The following GRID2 variants were observed in gnomAD, a reference collection of about 807,000 sequenced individuals.
The protein encoded by GRID2 is glutamate ionotropic receptor delta type subunit 2.
GRID2 carries 33 observed loss-of-function variants against 114.8 expected under a neutral mutation model. That is an observed-to-expected ratio of 0.29 (90% CI 0.22 to 0.38). GRID2 has a LOEUF of 0.38. GRID2 is among the 10% of genes least tolerant of loss of function. The pLI is 1.00. For missense variants in GRID2, 1,184 were observed against 1,257.7 expected, an observed-to-expected ratio of 0.94 and a Z score of 0.89; for synonymous variants, 505 against 449.9, an observed-to-expected ratio of 1.12 and a Z score of -1.55.
chr4:92,362,078 A>T (rs953667265), intron 1 of GRID2, among the ~76,000 whole-genome samples: 1 of 152,054 alleles, frequency 6.6e-6, no homozygotes, highest in Non-Finnish European at 1.5e-5. Context: ...ATTGAACAAC[A>T]TACTCAGACT....
chr4:92,548,998 GGATTA>G (rs1218877014), intron 1 of GRID2, among the ~76,000 whole-genome samples: 1 of 151,580 alleles, frequency 6.6e-6, no homozygotes, highest in Non-Finnish European at 1.5e-5. Flanking sequence ...CTAACATTGG[GGATTA>G]CAATTGAAAA....
chr4:92,665,644 A>T (rs1209573931), intron 2 of GRID2, among the ~76,000 whole-genome samples: 1 of 150,958 alleles, frequency 6.6e-6, no homozygotes, highest in African/African-American at 2.4e-5. Flanking sequence ...TGCTTATTTT[A>T]GAATTTTTTT....
At chr4:93,063,483 C>T (rs749029372) in intron 2 of GRID2, among the ~76,000 whole-genome samples, 15 of 151,768 alleles carry the variant, frequency 9.9e-5, no homozygotes, top group Non-Finnish European at 1.5e-4. Flanking sequence ...CATTTTCCTC[C>T]CACTTACACA....
intron 2 of GRID2, among the ~76,000 whole-genome samples, chr4:92,948,870 T>G (rs1407970010): frequency 6.6e-6 from 1 of 152,032 alleles, no homozygotes; most frequent in Admixed American, 6.6e-5. Flanking sequence ...TCTAGGTGTA[T>G]ATATATCATT....
At chr4:92,573,370 G>T (rs1450390747) in intron 1 of GRID2, among the ~76,000 whole-genome samples, 2 of 151,930 alleles carry the variant, frequency 1.3e-5, no homozygotes, top group African/African-American at 4.8e-5. Flanking sequence ...GGGTTTGTTT[G>T]CTCTTGGTTC....
intron 4 of GRID2, among the ~76,000 whole-genome samples, chr4:93,185,703 T>A (rs1357786896): frequency 2.0e-5 from 3 of 152,192 alleles, no homozygotes; most frequent in Admixed American, 6.5e-5. Flanking sequence ...TACAGGTTTT[T>A]TAAAAATAGT....
intron 8 of GRID2, among the ~76,000 whole-genome samples, chr4:93,299,887 T>A (rs1754689183): frequency 6.6e-6 from 1 of 152,156 alleles, no homozygotes; most frequent in Non-Finnish European, 1.5e-5. Flanking sequence ...TGCATACACA[T>A]AATATTAGAA....
intron 1 of GRID2, among the ~76,000 whole-genome samples, chr4:92,587,705 A>C (rs916027516): frequency 3.3e-5 from 5 of 152,056 alleles, no homozygotes; most frequent in Non-Finnish European, 4.4e-5. Context: ...TCTTTTATCC[A>C]TTTTTTCAGT....
chr4:93,676,508 T>C (rs1300296826), intron 14 of GRID2, among the ~76,000 whole-genome samples: 1 of 152,170 alleles, frequency 6.6e-6, no homozygotes, highest in Admixed American at 6.5e-5. Context: ...TTACCCATTT[T>C]CCGTGGCTTC....
chr4:93,761,464 C>T (rs1219135415), intron 14 of GRID2, among the ~76,000 whole-genome samples: 2 of 152,148 alleles, frequency 1.3e-5, no homozygotes, highest in African/African-American at 2.4e-5. Context: ...TTACTTTCTA[C>T]GGCTGCTTTC....
chr4:93,279,420 A>G (rs1281878639), intron 8 of GRID2, among the ~76,000 whole-genome samples: 1 of 151,850 alleles, frequency 6.6e-6, no homozygotes, highest in Non-Finnish European at 1.5e-5. Flanking sequence ...AAGCTTATCC[A>G]TCAAAACAAA....
chr4:92,769,216 T>A (rs1371958783), intron 2 of GRID2, among the ~76,000 whole-genome samples: 2 of 152,096 alleles, frequency 1.3e-5, no homozygotes, highest in East Asian at 3.9e-4. Context: ...AGTGGGGCAA[T>A]CCTAAAGTGC....
intron 14 of GRID2, among the ~76,000 whole-genome samples, chr4:93,749,928 A>C (rs527342659): frequency 6.6e-6 from 1 of 152,342 alleles, no homozygotes; most frequent in South Asian, 2.1e-4. Flanking sequence ...GATTTCGAGA[A>C]TTATATAACT....
intron 1 of GRID2, among the ~76,000 whole-genome samples, chr4:92,529,043 C>A (rs968436833): frequency 6.6e-6 from 1 of 152,064 alleles, no homozygotes; most frequent in African/African-American, 2.4e-5. Flanking sequence ...TAGATGAATT[C>A]TCTTGGGACG....
chr4:93,564,661 A>G (rs1735243517), intron 13 of GRID2, among the ~76,000 whole-genome samples: 1 of 152,062 alleles, frequency 6.6e-6, no homozygotes, highest in Admixed American at 6.6e-5. Flanking sequence ...GCTGTACTTT[A>G]TGTATTAGAA....
chr4:92,520,885 A>G (rs1174870899), intron 1 of GRID2, among the ~76,000 whole-genome samples: 1 of 151,980 alleles, frequency 6.6e-6, no homozygotes, highest in African/African-American at 2.4e-5. Context: ...TCATAGGGAC[A>G]GGAAACAGAA....
At chr4:92,621,441 G>A (rs1337870242) in intron 2 of GRID2, among the ~76,000 whole-genome samples, 2 of 151,656 alleles carry the variant, frequency 1.3e-5, no homozygotes, top group African/African-American at 4.8e-5. Context: ...TTATCTCTAA[G>A]GAAAAATGAT....
At chr4:93,254,625 A>G (rs1749365607) in intron 8 of GRID2, among the ~76,000 whole-genome samples, 1 of 152,172 alleles carries the variant, frequency 6.6e-6, no homozygotes, top group African/African-American at 2.4e-5. Flanking sequence ...AAATGAGATG[A>G]GAAATCTATC....
chr4:92,806,390 C>T (rs1025878494), intron 2 of GRID2, among the ~76,000 whole-genome samples: 1 of 151,934 alleles, frequency 6.6e-6, no homozygotes, highest in African/African-American at 2.4e-5. Flanking sequence ...ATGCAATAGG[C>T]TTATTTTCAT....
Sources: allele counts gnomAD v4.1 joint callset (sites outside exome capture counted in the v4.1 genomes callset), GRCh38; gene constraint gnomAD v4.1.1; transcripts MANE v1.5; gene names NCBI Gene and HGNC (gene_info 2026-07-23, HGNC 2026-07-21).